The following PCDHA1 variants were observed in gnomAD, a reference collection of about 807,000 sequenced individuals.
The protein encoded by PCDHA1 is protocadherin alpha 1.
Under a neutral mutation model 61.3 loss-of-function variants are expected in PCDHA1, and 42 were observed. That is an observed-to-expected ratio of 0.69 (90% CI 0.54 to 0.89). The LOEUF (loss-of-function observed/expected upper bound fraction) is 0.89. Among genes scored for constraint, PCDHA1 ranks in the 40% least tolerant of loss-of-function variants. PCDHA1 has a pLI of 0.00. For synonymous variants in PCDHA1, 610 were observed against 553.8 expected (o/e 1.10, Z -1.43); for missense variants, 1,256 against 1,235.3 (o/e 1.02, Z -0.25).
At chr5:140,826,759 A>G (rs1286612690) in intron 1 of PCDHA1, among the ~76,000 whole-genome samples, 1 of 152,218 alleles carries the variant, frequency 6.6e-6, no homozygotes, top group Non-Finnish European at 1.5e-5. Flanking sequence ...TAAGATTCAT[A>G]TTGGAGAGTA....
In PCDHA1 at chr5:140,969,369, C is replaced by A. The variant is rs782020561; in HGVS notation, c.2395-9580C>A. The A allele has an allele frequency of 1.3e-5, 21 of 1,607,718 alleles. 2 individuals carry two copies. In the South Asian group the frequency reaches 2.3e-4, roughly 18 times the overall value. ...TCAGGGGGTCTTCTACAAACTCATG[C>A]ATTTGTTACACATCCCCCAATATCC... is the stretch of plus-strand genomic sequence containing the variant. On this transcript the variant is annotated intron_variant, in intron 1 of 3. Transcript: ENST00000504120.
At chr5:140,849,221 C>T (rs1383448278) in intron 1 of PCDHA1, 3 of 1,037,238 alleles carry the variant, frequency 2.9e-6, no homozygotes, top group Admixed American at 2.8e-5. Flanking sequence ...CCCCAGTGTT[C>T]GACAGAACCC....
intron 1 of PCDHA1, chr5:140,929,251 G>A (rs782590821): frequency 6.2e-7 from 1 of 1,613,534 alleles, no homozygotes; most frequent in South Asian, 1.1e-5. Flanking sequence ...TGCCACTGGG[G>A]TAGGACTGAA....
intron 1 of PCDHA1, chr5:140,828,742 G>T (rs2150158516): frequency 5.0e-6 from 8 of 1,614,208 alleles, no homozygotes; most frequent in Non-Finnish European, 5.9e-6. Context: ...CCACAGATGG[G>T]GGCAAACCTG....
chr5:140,978,875 T>A, intron 1 of PCDHA1, 74 bp from the exon 2 acceptor site: 2 of 1,609,316 alleles, frequency 1.2e-6, no homozygotes, highest in Non-Finnish European at 1.7e-6. Flanking sequence ...AGGGAGTAAC[T>A]AATCAATTAG....
In PCDHA1 at chr5:140,982,477, C is replaced by G. The variant is rs782587733; in HGVS notation, c.2456C>G (p.Ser819Cys). ...SASLRAGMHS[S>C]VHLEEAGILR... ...TCTGGGTCTGTGTGTTTATTCAGCT[C>G]TGTGCACCTAGAGGAGGCTGGCATT... is the stretch of plus-strand genomic sequence containing the variant. Residue 819 changes from serine to cysteine, a missense_variant and splice_region_variant, in exon 3 of 4, where the codon TCT (serine) becomes TGT (cysteine). Coordinates refer to ENST00000504120, the MANE Select transcript of PCDHA1 (RefSeq NM_018900.4). 2 of 1,614,188 alleles carry G rather than the reference C, an allele frequency of 1.2e-6. No homozygotes were observed. Among genetic ancestry groups the G allele is most frequent in the Non-Finnish European group, 1.7e-6 (2 of 1,180,030 alleles).
At chr5:140,828,468 T>C in intron 1 of PCDHA1, 1 of 1,614,148 alleles carries the variant, frequency 6.2e-7, no homozygotes, top group Non-Finnish European at 8.5e-7. Flanking sequence ...GTGAGGGACA[T>C]TAACGACAAC....
intron 1 of PCDHA1, among the ~76,000 whole-genome samples, chr5:140,894,571 T>C (rs782019282): frequency 2.0e-5 from 3 of 151,906 alleles, no homozygotes; most frequent in Non-Finnish European, 4.4e-5. Flanking sequence ...TTATTTTCCT[T>C]TTTTTTAATA....
chr5:140,863,411 T>G, intron 1 of PCDHA1: 4 of 754,032 alleles, frequency 5.3e-6, no homozygotes, highest in African/African-American at 1.8e-5. Context: ...CCCACGCTGG[T>G]GTACCGCAGC....
In PCDHA1 at chr5:141,011,633, G is replaced by A. The variant is rs988824031; in HGVS notation, c.*1696G>A. ...TTATGGTCCAGCCAAGAGCCATCTC[G>A]TGCCAAGACTTCTGCTGGCAAGGGA... is the stretch of plus-strand genomic sequence containing the variant. On this transcript the variant is annotated 3_prime_UTR_variant, in exon 4 of 4. Transcript: ENST00000504120. The A allele has an allele frequency of 6.5e-6, 1 of 153,624 alleles. No homozygotes were observed. Among genetic ancestry groups the A allele is most frequent in the Non-Finnish European group, 1.5e-5 (1 of 68,022 alleles). The allele number at this position is 153,624 out of a possible 1,614,324, so 9.5% of individuals were successfully genotyped here. A position where few individuals can be genotyped will look rare whatever the true frequency, so the allele number is the denominator to read the frequency against.
chr5:140,945,992 G>T (rs1271634546), intron 1 of PCDHA1, among the ~76,000 whole-genome samples: 1 of 151,978 alleles, frequency 6.6e-6, no homozygotes, highest in Non-Finnish European at 1.5e-5. Flanking sequence ...CTAATGGATT[G>T]CATCAAACTA....
At chr5:140,852,973 T>G (rs2150526500) in intron 1 of PCDHA1, 26 of 368,004 alleles carry the variant, frequency 7.1e-5, no homozygotes, top group Non-Finnish European at 9.8e-5. Flanking sequence ...CCCCCTCCCG[T>G]GTTCACGCCA....
At chr5:140,805,917 G>A (rs972152545) in intron 1 of PCDHA1, among the ~76,000 whole-genome samples, 2 of 152,204 alleles carry the variant, frequency 1.3e-5, no homozygotes, top group African/African-American at 4.8e-5. Flanking sequence ...TAAATATTTA[G>A]GAAATATTAG....
intron 1 of PCDHA1, among the ~76,000 whole-genome samples, chr5:140,909,682 A>G (rs1172515528): frequency 1.3e-5 from 2 of 152,132 alleles, no homozygotes; most frequent in Non-Finnish European, 2.9e-5. Flanking sequence ...CAGGGAGCCA[A>G]TGTGGGGGTT....
At chr5:140,848,935 C>G (rs1363080082) in intron 1 of PCDHA1, 1 of 1,607,474 alleles carries the variant, frequency 6.2e-7, no homozygotes, top group Non-Finnish European at 8.5e-7. Context: ...GAATCCAGGC[C>G]GCTTGACTCT....
intron 1 of PCDHA1, among the ~76,000 whole-genome samples, chr5:140,905,079 T>C (rs2071581588): frequency 6.6e-6 from 1 of 152,168 alleles, no homozygotes; most frequent in Admixed American, 6.5e-5. Context: ...AGTTGCACTT[T>C]CTTTTGGGTT....
In PCDHA1 at chr5:140,963,375, C is replaced by A. The variant is rs1425392684; in HGVS notation, c.2395-15574C>A. On this transcript the variant is annotated intron_variant, in intron 1 of 3. Transcript: ENST00000504120. ...CTTTTCAAAGAACATTAATTGAGCA[C>A]CTCTGTGCCAAGCTCCCTACTGGAT... is the stretch of plus-strand genomic sequence containing the variant. Among the ~76,000 whole-genome samples, 15 of 152,176 alleles carry A rather than the reference C, an allele frequency of 9.9e-5. 1 individual carries two copies. The highest frequency in any genetic ancestry group is 5.2e-4 in the Admixed American group (8 of 15,290).
intron 1 of PCDHA1, among the ~76,000 whole-genome samples, chr5:140,922,316 A>T (rs983729529): frequency 6.6e-6 from 1 of 152,248 alleles, no homozygotes; most frequent in Non-Finnish European, 1.5e-5. Flanking sequence ...TTCACTGAAG[A>T]TCTTGGAAAG....
intron 1 of PCDHA1, chr5:140,966,229 A>T (rs1027352378): frequency 1.1e-5 from 3 of 277,852 alleles, no homozygotes; most frequent in African/African-American, 6.6e-5. Context: ...ATCTCCTTAA[A>T]GACCCGTTAA....
Sources: allele counts gnomAD v4.1 joint callset (sites outside exome capture counted in the v4.1 genomes callset), GRCh38; gene constraint gnomAD v4.1.1; transcripts MANE v1.5; gene names NCBI Gene and HGNC (gene_info 2026-07-23, HGNC 2026-07-21).